Variants in TNRC6B observed in about 807,000 individuals in gnomAD.
TNRC6B encodes trinucleotide repeat-containing gene 6B protein.
Under a neutral mutation model 203.6 loss-of-function variants are expected in TNRC6B, and 52 were observed. That is an observed-to-expected ratio of 0.26 (90% CI 0.20 to 0.32). The LOEUF (loss-of-function observed/expected upper bound fraction) is 0.32, where lower values mean the gene tolerates loss of function less well. Ranked by LOEUF, TNRC6B falls within the 10% of genes least tolerant of loss-of-function variation. The pLI is 1.00. For synonymous variants in TNRC6B, 838 were observed against 845.7 expected (o/e 0.99, Z 0.16); for missense variants, 1,923 against 2,286.2 (o/e 0.84, Z 3.24).
chr22:40,223,093 A>G (rs887878018), intron 1 of TNRC6B, among the ~76,000 whole-genome samples: 8 of 151,304 alleles, frequency 5.3e-5, no homozygotes, highest in African/African-American at 1.7e-4. Flanking sequence ...AAAAAGGTAT[A>G]TAGTTGTGTT....
intron 1 of TNRC6B, among the ~76,000 whole-genome samples, chr22:40,096,639 C>T (rs140494290): frequency 6.6e-6 from 1 of 152,300 alleles, no homozygotes; most frequent in Non-Finnish European, 1.5e-5. Context: ...CCAGTCTTCT[C>T]TTGTGCCTAA....
chr22:40,217,839 G>A (rs925252851), intron 1 of TNRC6B, among the ~76,000 whole-genome samples: 1 of 151,940 alleles, frequency 6.6e-6, no homozygotes, highest in African/African-American at 2.4e-5. Flanking sequence ...GCCGGGCCTG[G>A]TTTCGTGTGC....
chr22:40,079,733 C>T (rs2146287897), intron 1 of TNRC6B, among the ~76,000 whole-genome samples: 1 of 152,160 alleles, frequency 6.6e-6, no homozygotes, highest in East Asian at 1.9e-4. Flanking sequence ...ATCCTCCCAC[C>T]TCAGCCTCCC....
intron 3 of TNRC6B, among the ~76,000 whole-genome samples, chr22:40,155,029 C>G (rs1816765296): frequency 6.7e-6 from 1 of 149,650 alleles, no homozygotes; most frequent in Non-Finnish European, 1.5e-5. Context: ...TGTAACTCAC[C>G]CAGATTGAGG....
chr22:40,234,768 C>T (rs2069925500), intron 1 of TNRC6B, among the ~76,000 whole-genome samples: 1 of 152,180 alleles, frequency 6.6e-6, no homozygotes, highest in Non-Finnish European at 1.5e-5. Flanking sequence ...TTATAAGCCA[C>T]TTAGAATGAT....
At chr22:40,200,032 C>T (rs574752038) in intron 1 of TNRC6B, among the ~76,000 whole-genome samples, 1 of 151,970 alleles carries the variant, frequency 6.6e-6, no homozygotes, top group African/African-American at 2.4e-5. Context: ...CTCCTGACTT[C>T]AAGTGATCCG....
Position 40,069,532 on chromosome 22 carries a change from A to G in TNRC6B, c.-121+24534A>G, listed in dbSNP as rs2067928768. ...GATGGAGTTTCGCTCTCATTGCCCCAGCTGGAGTGCAATGGCGTGATCTCG... is the reference window on the plus strand; with the variant it reads ...GATGGAGTTTCGCTCTCATTGCCCCGGCTGGAGTGCAATGGCGTGATCTCG... On this transcript the variant is annotated intron_variant, in intron 1 of 23. Coordinates refer to the TNRC6B transcript ENST00000301923. Among the ~76,000 whole-genome samples the G allele has an allele frequency of 2.1e-5, 3 of 146,300 alleles. 1 individual carries two copies. In the South Asian group the frequency reaches 6.4e-4, roughly 31 times the overall value.
Position 40,323,421 on chromosome 22 carries a change from A to G in TNRC6B, c.*180A>G, listed in dbSNP as rs1242934804. On this transcript the variant is annotated 3_prime_UTR_variant, in exon 23 of 23. Coordinates refer to ENST00000454349, the MANE Select transcript of TNRC6B (RefSeq NM_001162501.2). The stretch of plus-strand genomic sequence containing the variant: ...CTGAGCACATAGTTGCCTCCCTTAT[A>G]ACTTCAGTTTTTTCGTTTGGAATAT... 1 of 683,288 alleles carries G rather than the reference A, an allele frequency of 1.5e-6. No individual in the cohort carries two copies. Among genetic ancestry groups the G allele is most frequent in the Non-Finnish European group, 2.3e-6 (1 of 439,552 alleles). The allele number at this position is 683,288 out of a possible 1,614,324, so 42.3% of individuals were successfully genotyped here. A position where few individuals can be genotyped will look rare whatever the true frequency, so the allele number is the denominator to read the frequency against.
At position 40,170,350 on chromosome 22, in the gene TNRC6B, ATATT is replaced by A. The variant is rs1265494465; in HGVS notation, c.113+14169_113+14172del. On this transcript the variant is annotated intron_variant, in intron 4 of 23. Transcript: ENST00000301923. Reference sequence around the variant, plus strand: ...TATATATTATATATAGTTTATATATATATTATGTATATAGTTTATATATATATTA... The same window carrying A: ...TATATATTATATATAGTTTATATATAATGTATATAGTTTATATATATATTA... Among the ~76,000 whole-genome samples, 4 of 74,940 alleles carry A rather than the reference ATATT, an allele frequency of 5.3e-5. 1 individual carries two copies. The highest frequency in any genetic ancestry group is 1.3e-4 in the African/African-American group (2 of 15,530). The allele number at this position is 74,940 out of a possible 152,430, so 49.2% of individuals were successfully genotyped here.
intron 1 of TNRC6B, among the ~76,000 whole-genome samples, chr22:40,232,126 G>A (rs1276598081): frequency 6.6e-6 from 1 of 152,208 alleles, no homozygotes; most frequent in African/African-American, 2.4e-5. Context: ...TGACTTAGCA[G>A]TATTGTGAAA....
chr22:40,087,432 A>G (rs577166924), intron 1 of TNRC6B, among the ~76,000 whole-genome samples: 31 of 152,324 alleles, frequency 2.0e-4, no homozygotes, highest in African/African-American at 7.2e-4. Flanking sequence ...CAGGCATGGT[A>G]CTAGGAAATG....
chr22:40,071,668 T>C (rs2067949273), intron 1 of TNRC6B, among the ~76,000 whole-genome samples: 1 of 152,200 alleles, frequency 6.6e-6, no homozygotes, highest in Non-Finnish European at 1.5e-5. Flanking sequence ...AAATAATTTT[T>C]TTCTTTAGCT....
intron 1 of TNRC6B, among the ~76,000 whole-genome samples, chr22:40,088,665 G>T (rs561678532): frequency 6.6e-6 from 1 of 150,562 alleles, no homozygotes; most frequent in Non-Finnish European, 1.5e-5. Flanking sequence ...ATGTTGGTCA[G>T]GCTGGTCTCT....
At chr22:40,208,905 T>C (rs2069521806) in intron 1 of TNRC6B, among the ~76,000 whole-genome samples, 1 of 152,216 alleles carries the variant, frequency 6.6e-6, no homozygotes, top group Non-Finnish European at 1.5e-5. Context: ...GTGATCCTTG[T>C]TTGTCCCATG....
intron 4 of TNRC6B, among the ~76,000 whole-genome samples, chr22:40,165,756 G>T (rs1213399315): frequency 6.6e-6 from 1 of 152,100 alleles, no homozygotes; most frequent in African/African-American, 2.4e-5. Context: ...TGAGCAATGG[G>T]GGGGAAAGCT....
rs10534254 is a variant in TNRC6B, at chr22:40,331,645, ATTTTT to A, written c.*8425_*8429del. ...ACTGAATTTAAGAAGAGGTTGTTGG[ATTTTT>A]TTTTTTTTTTTTTTTTTTTTCAAAA... On this transcript the variant is annotated 3_prime_UTR_variant, in exon 23 of 23. Transcript: ENST00000454349. The A allele has an allele frequency of 4.6e-3, 610 of 132,878 alleles. No individual in the cohort carries two copies. Among genetic ancestry groups the A allele is most frequent in the Non-Finnish European group, 5.2e-3 (403 of 77,040 alleles). The allele number at this position is 132,878 out of a possible 1,614,324, so 8.2% of individuals were successfully genotyped here.
intron 11 of TNRC6B, among the ~76,000 whole-genome samples, chr22:40,284,075 G>A (rs2070753403): frequency 6.6e-6 from 1 of 152,192 alleles, no homozygotes; most frequent in Non-Finnish European, 1.5e-5. Context: ...TGACTACCAC[G>A]ATCTGAGGAA....
intron 1 of TNRC6B, among the ~76,000 whole-genome samples, chr22:40,189,652 T>C (rs1279214793): frequency 6.6e-6 from 1 of 152,220 alleles, no homozygotes; most frequent in Non-Finnish European, 1.5e-5. Context: ...AGGTTTTTGT[T>C]TTTTAGTGTC....
chr22:40,068,683 T>C (rs2146278137), intron 1 of TNRC6B, among the ~76,000 whole-genome samples: 1 of 152,264 alleles, frequency 6.6e-6, no homozygotes, highest in African/African-American at 2.4e-5. Context: ...TGTCTTGTTT[T>C]CTTTTCATTT....
Sources: allele counts gnomAD v4.1 joint callset (sites outside exome capture counted in the v4.1 genomes callset), GRCh38; gene constraint gnomAD v4.1.1; transcripts MANE v1.5; gene names NCBI Gene and HGNC (gene_info 2026-07-23, HGNC 2026-07-21).